RBMS1: variants seen among roughly 807,000 people sequenced by gnomAD.
RBMS1 encodes the protein RNA binding motif single stranded interacting protein 1.
RBMS1 carries 17 observed loss-of-function variants against 62.3 expected under a neutral mutation model. That is an observed-to-expected ratio of 0.27 (90% confidence interval 0.19 to 0.41). The LOEUF is 0.41. RBMS1 is among the 10% of genes least tolerant of loss of function. The pLI is 1.00. For missense variants in RBMS1, 334 were observed against 504.5 expected (o/e 0.66, Z 3.24); for synonymous variants, 172 against 170.0 (o/e 1.01, Z -0.09).
chr2:160,291,630 C>G (rs1334094781), intron 6 of RBMS1, among the ~76,000 whole-genome samples: 1 of 152,170 alleles, frequency 6.6e-6, no homozygotes, highest in Non-Finnish European at 1.5e-5. Flanking sequence ...TTCTCCTCCT[C>G]CCCTGTGCCT....
Position 160,313,236 on chromosome 2 carries a change from C to T in RBMS1, c.322G>A (p.Val108Ile). 1 of 1,613,202 alleles carries T rather than the reference C, an allele frequency of 6.2e-7. No individual in the cohort carries two copies. Among genetic ancestry groups the T allele is most frequent in the Non-Finnish European group, 8.5e-7 (1 of 1,179,410 alleles). ...TTNKCKGYGF[V>I]DFDSPAAAQK... The stretch of plus-strand genomic sequence containing the variant: ...GCTGCTGCAGGGCTGTCAAAGTCGA[C>T]AAAACCATAACCTGAAATGCAAAAA... Residue 108 changes from valine (V) to isoleucine (I), a missense_variant, in exon 4 of 14, where the codon GTC becomes ATC. By Grantham distance (29) the Val-to-Ile change is conservative (BLOSUM62 3). Around this residue, in one of 3 missense-constraint regions of RBMS1, gnomAD observed 150 missense variants for 228.0 expected, o/e 0.66. Coordinates refer to ENST00000348849, the MANE Select transcript of RBMS1 (RefSeq NM_016836.4).
intron 1 of RBMS1, among the ~76,000 whole-genome samples, chr2:160,379,272 T>C (rs1255052682): frequency 6.6e-6 from 1 of 152,188 alleles, no homozygotes; most frequent in Non-Finnish European, 1.5e-5. Flanking sequence ...AGCCCACCAT[T>C]ATACTCTGAA....
chr2:160,320,013 A>G (rs1574275428), intron 2 of RBMS1, among the ~76,000 whole-genome samples: 1 of 152,378 alleles, frequency 6.6e-6, no homozygotes, highest in Middle Eastern at 3.4e-3. Context: ...AACACAGATC[A>G]CTAGGCTTAC....
intron 1 of RBMS1, among the ~76,000 whole-genome samples, chr2:160,369,985 A>C (rs1311087489): frequency 7.2e-5 from 11 of 152,210 alleles, no homozygotes; most frequent in Non-Finnish European, 4.4e-5. Flanking sequence ...AGTTTAATAT[A>C]AATTTGATGG....
chr2:160,377,761 T>A (rs963973684), intron 1 of RBMS1, among the ~76,000 whole-genome samples: 1 of 152,128 alleles, frequency 6.6e-6, no homozygotes, highest in Admixed American at 6.5e-5. Context: ...CAAAGGGAGC[T>A]TGGCTTTGAA....
intron 1 of RBMS1, among the ~76,000 whole-genome samples, chr2:160,453,934 C>A (rs1046731561): frequency 2.6e-5 from 4 of 152,180 alleles, no homozygotes; most frequent in African/African-American, 9.6e-5. Context: ...CTCCAGCTAA[C>A]AAAATTCACT....
intron 1 of RBMS1, among the ~76,000 whole-genome samples, chr2:160,385,075 C>T (rs1156895321): frequency 6.6e-6 from 1 of 152,180 alleles, no homozygotes; most frequent in Non-Finnish European, 1.5e-5. Context: ...TGAGGCCTGA[C>T]TTGAAGCCAA....
chr2:160,491,583 T>C (rs1472714730), intron 1 of RBMS1, among the ~76,000 whole-genome samples: 4 of 152,234 alleles, frequency 2.6e-5, no homozygotes, highest in African/African-American at 4.8e-5. Context: ...TAATGGTATA[T>C]AAAAATTACT....
At position 160,287,023 on chromosome 2, in the gene RBMS1, T is replaced by G. The variant is rs1374570844; in HGVS notation, c.702A>C (p.Pro234=). Residue 234 remains proline (P), a synonymous_variant, in exon 7 of 14, where the codon CCA becomes CCC. Coordinates refer to ENST00000348849, the MANE Select transcript of RBMS1 (RefSeq NM_016836.4). ...GTCTTCCATTAGGGATGTATTTGTT[T>G]GGGTTCTGTCTCTTTTTCTGTCCTC... is the stretch of plus-strand genomic sequence containing the variant. ...ADGGQKKRQN[P]NKYIPNGRPW... The G allele has an allele frequency of 1.2e-6, 2 of 1,613,956 alleles. No homozygotes were observed. Among genetic ancestry groups the G allele is most frequent in the South Asian group, 2.2e-5 (2 of 91,072 alleles).
In RBMS1 at chr2:160,318,229, T is replaced by TAAAAAAAAAAAAAAAAAAAAAAAGAAA. The variant is rs1491500454; in HGVS notation, c.252-3_252-2insTTTCTTTTTTTTTTTTTTTTTTTTTTT. On this transcript the variant is annotated splice_polypyrimidine_tract_variant and splice_region_variant and intron_variant, in intron 2 of 13. Coordinates refer to ENST00000348849, the MANE Select transcript of RBMS1 (RefSeq NM_016836.4). ...TTTGTGGAGACTATTTTCCCATATC[T>TAAAAAAAAAAAAAAAAAAAAAAAGAAA]AAAAAAAAAAAAAAAAAAAAAAAGG... The TAAAAAAAAAAAAAAAAAAAAAAAGAAA allele has an allele frequency of 2.1e-5, 24 of 1,164,696 alleles. No individual in the cohort carries two copies. The highest frequency in any genetic ancestry group is 7.6e-5 in the African/African-American group (3 of 39,642). 72.1% of individuals were successfully genotyped at this position (1,164,696 alleles called of 1,614,324 possible). A position where few individuals can be genotyped will look rare whatever the true frequency, so the allele number is the denominator to read the frequency against.
intron 2 of RBMS1, among the ~76,000 whole-genome samples, chr2:160,350,881 G>A (rs1692456509): frequency 6.6e-6 from 1 of 152,136 alleles, no homozygotes; most frequent in Non-Finnish European, 1.5e-5. Context: ...TAATGGGATG[G>A]CTGGGTCAAA....
At chr2:160,377,128 A>T (rs1195994358) in intron 1 of RBMS1, among the ~76,000 whole-genome samples, 1 of 152,076 alleles carries the variant, frequency 6.6e-6, no homozygotes, top group Admixed American at 6.5e-5. Context: ...TCCACCTCAA[A>T]AGTTAACTTT....
At chr2:160,326,170 A>T (rs1328617374) in intron 2 of RBMS1, among the ~76,000 whole-genome samples, 1 of 152,196 alleles carries the variant, frequency 6.6e-6, no homozygotes, top group Non-Finnish European at 1.5e-5. Flanking sequence ...AGGTGAAGGG[A>T]TTACGGGAAA....
At chr2:160,395,225 G>A (rs79312546) in intron 1 of RBMS1, among the ~76,000 whole-genome samples, 3,038 of 152,298 alleles carry the variant, frequency 0.02, 103 homozygotes, top group African/African-American at 0.067. Context: ...TTTGTAAAAT[G>A]AGTATTTTAA....
At chr2:160,442,276 C>G (rs928006088) in intron 1 of RBMS1, among the ~76,000 whole-genome samples, 1 of 152,104 alleles carries the variant, frequency 6.6e-6, no homozygotes, top group Non-Finnish European at 1.5e-5. Context: ...ATTTACAGTT[C>G]CAAGTTTATA....
chr2:160,308,230 C>CA (rs1015555314), intron 4 of RBMS1, among the ~76,000 whole-genome samples: 11 of 151,616 alleles, frequency 7.3e-5, no homozygotes, highest in African/African-American at 2.7e-4. Flanking sequence ...CTGGTCTCTG[C>CA]AAAAAAATAC....
chr2:160,323,380 G>A (rs556954954), intron 2 of RBMS1, among the ~76,000 whole-genome samples: 1 of 151,890 alleles, frequency 6.6e-6, no homozygotes, highest in Non-Finnish European at 1.5e-5. Context: ...GGAAGCTGAG[G>A]TGGGAGGATC....
At chr2:160,410,870 A>G (rs955904309) in intron 1 of RBMS1, among the ~76,000 whole-genome samples, 2 of 152,128 alleles carry the variant, frequency 1.3e-5, no homozygotes, top group African/African-American at 4.8e-5. Context: ...CAGCCTCCCG[A>G]GTAGCTGGGA....
intron 1 of RBMS1, among the ~76,000 whole-genome samples, chr2:160,474,409 T>C (rs544108450): frequency 2.0e-5 from 3 of 152,314 alleles, no homozygotes; most frequent in African/African-American, 7.2e-5. Flanking sequence ...CTTGATAGGA[T>C]TTGGGCAGAT....
Sources: allele counts gnomAD v4.1 joint callset (sites outside exome capture counted in the v4.1 genomes callset), GRCh38; gene constraint gnomAD v4.1.1; regional missense constraint gnomAD v4.1.1; transcripts MANE v1.5; gene names NCBI Gene and HGNC (gene_info 2026-07-23, HGNC 2026-07-21).